LPCAT2: variants seen among roughly 807,000 people sequenced by gnomAD.
LPCAT2 encodes the protein 1-AGP acyltransferase 11.
Under a neutral mutation model 64.7 loss-of-function variants are expected in LPCAT2, and 58 were observed. That is an observed-to-expected ratio of 0.90 (90% CI 0.73 to 1.12). LPCAT2 has a LOEUF of 1.12. Ranked by LOEUF, LPCAT2 falls within the 50% of genes most tolerant of loss-of-function variation. The pLI is 0.00. For synonymous variants in LPCAT2, 252 were observed against 245.3 expected (o/e 1.03, Z -0.26); for missense variants, 579 against 669.8 (o/e 0.86, Z 1.50).
At chr16:55,565,698 G>A (rs1963687607) in intron 11 of LPCAT2, among the ~76,000 whole-genome samples, 1 of 152,062 alleles carries the variant, frequency 6.6e-6, no homozygotes, top group Non-Finnish European at 1.5e-5. Flanking sequence ...AGGGGTGGGG[G>A]AAGGGGAGAA....
In LPCAT2 at chr16:55,550,994, T is replaced by C. The variant is rs774832263; in HGVS notation, c.1107T>C (p.Ser369=). 6.8e-6 allele frequency: 11 copies of C among 1,610,116 alleles called. No homozygotes were observed. The African/African-American group carries it at 1.5e-4, about 21-fold the overall frequency. ...GVRKHLDEYA[S]IASSSKGGRI... is the part of the protein sequence containing the mutation. ...GTAAGCATTTGGATGAATATGCATC[T>C]ATTGCGAGTTCCTCAAAAGGAGGAA... Residue 369 remains serine, a synonymous_variant, in exon 11 of 14, where the codon TCT becomes TCC. Coordinates refer to ENST00000262134, the MANE Select transcript of LPCAT2 (RefSeq NM_017839.5).
intron 11 of LPCAT2, among the ~76,000 whole-genome samples, chr16:55,553,121 C>A (rs1963536738): frequency 6.6e-6 from 1 of 152,054 alleles, no homozygotes; most frequent in Non-Finnish European, 1.5e-5. Flanking sequence ...GCCTGTAATC[C>A]CAGCTACCTG....
intron 9 of LPCAT2, among the ~76,000 whole-genome samples, chr16:55,546,357 C>G (rs1963453394): frequency 6.6e-6 from 1 of 152,092 alleles, no homozygotes; most frequent in Non-Finnish European, 1.5e-5. Context: ...GATAAATCAC[C>G]CCCTATCTTG....
At chr16:55,525,887 A>G (rs1963164029) in intron 2 of LPCAT2, 1 of 264,920 alleles carries the variant, frequency 3.8e-6, no homozygotes, top group African/African-American at 2.2e-5. Flanking sequence ...CAACTACATT[A>G]TGATAATCTT....
chr16:55,529,327 C>A (rs1369580176), intron 3 of LPCAT2, among the ~76,000 whole-genome samples: 1 of 152,018 alleles, frequency 6.6e-6, no homozygotes, highest in African/African-American at 2.4e-5. Flanking sequence ...ATGTAACTAC[C>A]ATGCTTTGTG....
chr16:55,570,057 A>C (rs1339466373), intron 11 of LPCAT2, among the ~76,000 whole-genome samples: 3 of 152,208 alleles, frequency 2.0e-5, no homozygotes, highest in African/African-American at 7.2e-5. Context: ...AATCATACTC[A>C]GTGATAAAAA....
rs1223344835 is a variant in LPCAT2 at position 55,525,620 on chromosome 16, T to G, written c.284T>G (p.Leu95Arg). 6.8e-6 allele frequency: 11 copies of G among 1,609,224 alleles called. No homozygotes were observed. Among genetic ancestry groups the G allele is most frequent in the Non-Finnish European group, 9.3e-6 (11 of 1,177,706 alleles). ...TCAACAGTATGCTGTCCTGAAAAGCTGACCCACCCAATAACTGGTTGGAGG... is the reference window on the plus strand; with the variant it reads ...TCAACAGTATGCTGTCCTGAAAAGCGGACCCACCCAATAACTGGTTGGAGG... ...AISTVCCPEK[L>R]THPITGWRRK... Residue 95 changes from leucine (L) to arginine (R), a missense_variant, in exon 2 of 14, where the codon CTG becomes CGG. Transcript: ENST00000262134.
intron 11 of LPCAT2, among the ~76,000 whole-genome samples, chr16:55,573,800 C>T (rs1450276138): frequency 2.0e-5 from 3 of 151,834 alleles, no homozygotes; most frequent in Non-Finnish European, 4.4e-5. Context: ...CTCTGTCTGG[C>T]CTCTCTTCCT....
chr16:55,521,975 G>A (rs2397721), intron 1 of LPCAT2, among the ~76,000 whole-genome samples: 71,366 of 151,370 alleles, frequency 0.47, 17,559 homozygotes, highest in Non-Finnish European at 0.55. Flanking sequence ...TCAACATTAC[G>A]CTAGGGATCC....
chr16:55,558,645 A>G (rs1308278720), intron 11 of LPCAT2, among the ~76,000 whole-genome samples: 1 of 152,212 alleles, frequency 6.6e-6, no homozygotes, highest in Non-Finnish European at 1.5e-5. Context: ...AAAGGACCAG[A>G]TAGAAAATAG....
intron 1 of LPCAT2, among the ~76,000 whole-genome samples, chr16:55,523,666 A>G (rs1963129497): frequency 6.6e-6 from 1 of 151,896 alleles, no homozygotes. Flanking sequence ...CAAGCCAGAT[A>G]TAAAAGGGTA....
chr16:55,520,116 G>C (rs961687368), intron 1 of LPCAT2, among the ~76,000 whole-genome samples: 3 of 151,998 alleles, frequency 2.0e-5, no homozygotes, highest in African/African-American at 7.2e-5. Flanking sequence ...TTTCAGACTA[G>C]ACAAAAGAAT....
At chr16:55,520,783 G>T (rs555298471) in intron 1 of LPCAT2, among the ~76,000 whole-genome samples, 23 of 151,896 alleles carry the variant, frequency 1.5e-4, no homozygotes, top group African/African-American at 5.5e-4. Context: ...TATTACAAGT[G>T]AAATTACAAA....
intron 4 of LPCAT2, among the ~76,000 whole-genome samples, chr16:55,531,385 T>C (rs2142381885): frequency 6.6e-6 from 1 of 152,280 alleles, no homozygotes; most frequent in South Asian, 2.1e-4. Context: ...CTAAAAACAC[T>C]GCCTCAAAAA....
At chr16:55,567,682 G>GA (rs1963722147) in intron 11 of LPCAT2, 2 of 633,916 alleles carry the variant, frequency 3.2e-6, no homozygotes, top group African/African-American at 1.8e-5. Flanking sequence ...GATATTTCAC[G>GA]AAAAATGTTC....
intron 11 of LPCAT2, chr16:55,551,364 G>A (rs1963516444): frequency 6.1e-6 from 1 of 163,970 alleles, no homozygotes; most frequent in Admixed American, 6.4e-5. Context: ...TTATTTTAGT[G>A]TAATATGATA....
chr16:55,511,721 C>T (rs1368313853), intron 1 of LPCAT2, among the ~76,000 whole-genome samples: 1 of 152,098 alleles, frequency 6.6e-6, no homozygotes, highest in Non-Finnish European at 1.5e-5. Flanking sequence ...TGTTGCAAAC[C>T]TTGAAGATGG....
In LPCAT2 at chr16:55,550,964, T is replaced by C. The variant is rs755120226; in HGVS notation, c.1077T>C (p.Gly359=). Reference sequence around the variant, plus strand: ...GTTTGTTTAGATTAGATTGGGATGGTGTTCGTAAGCATTTGGATGAATATG... The same window carrying C: ...GTTTGTTTAGATTAGATTGGGATGGCGTTCGTAAGCATTTGGATGAATATG... ...ISRKLKLDWD[G]VRKHLDEYAS... Residue 359 remains glycine (G), a synonymous_variant, in exon 11 of 14, where the codon GGT becomes GGC. Coordinates refer to ENST00000262134, the MANE Select transcript of LPCAT2 (RefSeq NM_017839.5). 1.2e-6 allele frequency: 2 copies of C among 1,601,550 alleles called. No homozygotes were observed. Among genetic ancestry groups the C allele is most frequent in the Admixed American group, 1.7e-5 (1 of 59,408 alleles).
Position 55,525,519 on chromosome 16 carries a change from T to G in LPCAT2, c.183T>G (p.Leu61=). Reference sequence around the variant, plus strand: ...ACTTTGACTTTCAGATTGTCCTTCTTGGGATTATCTTGCTTCCAATTCGTG... The same window carrying G: ...ACTTTGACTTTCAGATTGTCCTTCTGGGGATTATCTTGCTTCCAATTCGTG... ...GSARRVQIVL[L]GIILLPIRVL... is the part of the protein sequence containing the mutation. Residue 61 remains leucine (L), a synonymous_variant, in exon 2 of 14, where the codon CTT becomes CTG. Transcript: ENST00000262134. 2 of 1,605,366 alleles carry G rather than the reference T, an allele frequency of 1.2e-6. No individual in the cohort carries two copies. Among genetic ancestry groups the G allele is most frequent in the East Asian group, 4.5e-5 (2 of 44,630 alleles).
Sources: gnomAD v4.1 joint callset for allele counts (sites outside exome capture counted in the v4.1 genomes callset) on GRCh38, gnomAD v4.1.1 for gene constraint, MANE v1.5 for transcripts, NCBI Gene and HGNC (gene_info 2026-07-23, HGNC 2026-07-21) for gene names.